ESRRG: variants seen among roughly 807,000 people sequenced by gnomAD.
ESRRG encodes the protein estrogen related receptor gamma, also known as estrogen-related receptor gamma.
Under a neutral mutation model 44.0 loss-of-function variants are expected in ESRRG, and 13 were observed. That is an observed-to-expected ratio of 0.30 (90% CI 0.19 to 0.47). The LOEUF (loss-of-function observed/expected upper bound fraction) is 0.47, where lower values mean the gene tolerates loss of function less well. Ranked by LOEUF, ESRRG falls within the 20% of genes least tolerant of loss-of-function variation. The pLI is 1.00. For missense variants in ESRRG, 395 were observed against 580.6 expected (o/e 0.68, Z 3.29); for synonymous variants, 215 against 214.6 (o/e 1.00, Z -0.02).
chr1:217,115,070 T>C (rs2092706496), intron 1 of ESRRG, among the ~76,000 whole-genome samples: 1 of 152,144 alleles, frequency 6.6e-6, no homozygotes, highest in African/African-American at 2.4e-5. Flanking sequence ...TGTGTCACTG[T>C]GTGCCTTCAC....
chr1:217,048,288 T>A (rs1372374416), intron 1 of ESRRG, among the ~76,000 whole-genome samples: 1 of 150,896 alleles, frequency 6.6e-6, no homozygotes, highest in Non-Finnish European at 1.5e-5. Context: ...AGGTGGAGAG[T>A]AGAGGGTATT....
At chr1:217,039,136 C>T (rs115047855) in intron 1 of ESRRG, among the ~76,000 whole-genome samples, 3,729 of 152,232 alleles carry the variant, frequency 0.024, 160 homozygotes, top group African/African-American at 0.085. Flanking sequence ...GTTGATATCA[C>T]CATCAGCATT....
chr1:216,946,261 C>G (rs952609099), intron 1 of ESRRG, among the ~76,000 whole-genome samples: 2 of 152,106 alleles, frequency 1.3e-5, no homozygotes, highest in African/African-American at 4.8e-5. Context: ...CAGAACCCTC[C>G]CAAGTAAAAC....
intron 2 of ESRRG, among the ~76,000 whole-genome samples, chr1:216,754,351 C>T (rs1398471635): frequency 4.6e-5 from 7 of 152,094 alleles, no homozygotes; most frequent in South Asian, 2.1e-4. Flanking sequence ...AGAAGTATCT[C>T]GAACTTTCAC....
upstream of ESRRG, among the ~76,000 whole-genome samples, chr1:217,090,720 G>GA (rs1179134019): frequency 6.6e-6 from 1 of 152,172 alleles, no homozygotes; most frequent in Non-Finnish European, 1.5e-5. Flanking sequence ...AAAATTTGGG[G>GA]GGCTCCGGGC....
At chr1:216,774,336 C>T (rs1576396676) in intron 2 of ESRRG, among the ~76,000 whole-genome samples, 1 of 152,096 alleles carries the variant, frequency 6.6e-6, no homozygotes, top group East Asian at 1.9e-4. Flanking sequence ...ACAGTTTAGC[C>T]TGTATTAGAG....
At chr1:217,082,225 A>G (rs1035618851) in intron 1 of ESRRG, among the ~76,000 whole-genome samples, 1 of 152,026 alleles carries the variant, frequency 6.6e-6, no homozygotes. Flanking sequence ...ACCGAAGACC[A>G]CTCTGGAGCT....
At chr1:216,577,858 T>C (rs780202542) in intron 3 of ESRRG, among the ~76,000 whole-genome samples, 3 of 152,016 alleles carry the variant, frequency 2.0e-5, no homozygotes, top group Non-Finnish European at 1.5e-5. Flanking sequence ...TGAATCTAGA[T>C]CATACGGGCA....
intron 1 of ESRRG, among the ~76,000 whole-genome samples, chr1:217,046,659 G>A (rs935220743): frequency 2.6e-5 from 4 of 152,134 alleles, no homozygotes; most frequent in Admixed American, 6.5e-5. Flanking sequence ...CAGTGCAGGA[G>A]GATCTCTTGA....
chr1:216,751,629 C>A (rs1325672483), intron 2 of ESRRG, among the ~76,000 whole-genome samples: 1 of 152,020 alleles, frequency 6.6e-6, no homozygotes, highest in Non-Finnish European at 1.5e-5. Flanking sequence ...CTGGGAGCCA[C>A]CAGTAGACCC....
chr1:216,511,823 GAAAAAAATGGGAC>G, intron 6 of ESRRG, among the ~76,000 whole-genome samples: 1 of 152,088 alleles, frequency 6.6e-6, no homozygotes. Context: ...GGTTCCCACT[GAAAAAAATGGGAC>G]AATTTGGGCT....
chr1:216,593,020 TC>T (rs2057924183), intron 3 of ESRRG, among the ~76,000 whole-genome samples: 1 of 152,204 alleles, frequency 6.6e-6, no homozygotes, highest in African/African-American at 2.4e-5. Context: ...ACTTCTAACA[TC>T]AGTACTACAC....
chr1:216,766,204 A>G (rs1368933427), intron 2 of ESRRG, among the ~76,000 whole-genome samples: 1 of 151,956 alleles, frequency 6.6e-6, no homozygotes, highest in Non-Finnish European at 1.5e-5. Context: ...CTTTTTCTCC[A>G]CTTTCTTATG....
intron 1 of ESRRG, among the ~76,000 whole-genome samples, chr1:217,134,436 G>T (rs1188162149): frequency 1.3e-5 from 2 of 152,210 alleles, no homozygotes; most frequent in Non-Finnish European, 2.9e-5. Flanking sequence ...GGCCCTGCGC[G>T]CCAGAGAAGC....
chr1:216,578,425 G>T (rs1047376864), intron 3 of ESRRG, among the ~76,000 whole-genome samples: 3 of 152,002 alleles, frequency 2.0e-5, no homozygotes, highest in Non-Finnish European at 4.4e-5. Context: ...TAAGCAAGCT[G>T]GTCTTCAGGT....
At chr1:217,037,494 G>A (rs138393115) in intron 1 of ESRRG, among the ~76,000 whole-genome samples, 2,920 of 152,158 alleles carry the variant, frequency 0.019, 82 homozygotes, top group African/African-American at 0.063. Context: ...AGAACAGCAC[G>A]GGAAAGACCC....
chr1:217,042,653 T>C (rs2084097291), intron 1 of ESRRG, among the ~76,000 whole-genome samples: 2 of 152,010 alleles, frequency 1.3e-5, no homozygotes, highest in Admixed American at 1.3e-4. Context: ...GTATAAGTGT[T>C]TGTAAACAAG....
At chr1:217,105,381 G>A (rs79723521) in intron 1 of ESRRG, among the ~76,000 whole-genome samples, 3,033 of 152,270 alleles carry the variant, frequency 0.02, 109 homozygotes, top group African/African-American at 0.069. Flanking sequence ...TCTTCTAATA[G>A]ACTTTGTAGA....
intron 2 of ESRRG, among the ~76,000 whole-genome samples, chr1:216,803,874 C>T (rs1029432204): frequency 5.3e-5 from 8 of 152,048 alleles, no homozygotes; most frequent in Non-Finnish European, 8.8e-5. Flanking sequence ...TATTCCACAT[C>T]GTTTTGTTTT....
Sources: allele counts gnomAD v4.1 joint callset (sites outside exome capture counted in the v4.1 genomes callset), GRCh38; gene constraint gnomAD v4.1.1; transcripts MANE v1.5; gene names NCBI Gene and HGNC (gene_info 2026-07-23, HGNC 2026-07-21).